The following EFEMP1 variants were observed in gnomAD, a reference collection of about 807,000 sequenced individuals.
The protein encoded by EFEMP1 is EGF-containing fibulin-like extracellular matrix protein 1.
In EFEMP1, 18 loss-of-function variants were observed where a neutral mutation model predicts 65.7. The observed-to-expected ratio is 0.27, with a 90% CI of 0.19 to 0.41. The LOEUF (loss-of-function observed/expected upper bound fraction) is 0.41, where lower values mean the gene tolerates loss of function less well. EFEMP1 is among the 10% of genes least tolerant of loss of function. EFEMP1 has a pLI of 1.00. For missense variants in EFEMP1, 469 were observed against 624.8 expected (o/e 0.75, Z 2.66); for synonymous variants, 237 against 219.7 (o/e 1.08, Z -0.70).
At chr2:55,868,429 G>T (rs1668669847) in intron 11 of EFEMP1, among the ~76,000 whole-genome samples, 1 of 152,122 alleles carries the variant, frequency 6.6e-6, no homozygotes, top group South Asian at 2.1e-4. Flanking sequence ...TAATAGTAAG[G>T]CTCAGTAAGG....
intron 5 of EFEMP1, among the ~76,000 whole-genome samples, chr2:55,901,897 TG>T (rs1670051661): frequency 6.6e-6 from 1 of 152,216 alleles, no homozygotes; most frequent in African/African-American, 2.4e-5. Context: ...CTAAGAAAGC[TG>T]CCATGTTGTG....
Position 55,922,159 on chromosome 2 carries a change from G to C in EFEMP1, c.81+201C>G, listed in dbSNP as rs1470231606. The stretch of plus-strand genomic sequence containing the variant: ...TGATTACATGTTGGTTCCTATCTTA[G>C]GTGGTGAGCCCAATGAACTTTTGAA... On this transcript the variant is annotated intron_variant, in intron 3 of 11. Coordinates refer to ENST00000355426, the MANE Select transcript of EFEMP1 (RefSeq NM_001039348.3). The surrounding 1 kb of genome is among the most constrained non-coding windows in gnomAD (Gnocchi z 5.5). The C allele has an allele frequency of 1.8e-6, 1 of 569,050 alleles. No individual in the cohort carries two copies. Among genetic ancestry groups the C allele is most frequent in the Non-Finnish European group, 3.2e-6 (1 of 310,560 alleles). 35.3% of individuals were successfully genotyped at this position (569,050 alleles called of 1,614,324 possible). A position where few individuals can be genotyped will look rare whatever the true frequency, so the allele number is the denominator to read the frequency against.
At position 55,871,660 on chromosome 2, in the gene EFEMP1, C is replaced by A. The variant is rs923524050; in HGVS notation, c.1001-537G>T. On this transcript the variant is annotated intron_variant, in intron 9 of 11. Transcript: ENST00000355426. The surrounding 1 kb of genome is among the most constrained non-coding windows in gnomAD (Gnocchi z 4.2). The stretch of plus-strand genomic sequence containing the variant: ...GCTGGGGCAGGGAAGGCTTTCCAAG[C>A]TGAGAAATCAGGAAGCATAAACTAT... Among the ~76,000 whole-genome samples the A allele has an allele frequency of 3.0e-4, 46 of 152,078 alleles. No homozygotes were observed. The highest frequency in any genetic ancestry group is 2.5e-4 in the Non-Finnish European group (17 of 67,974).
In EFEMP1 at chr2:55,919,848, G is replaced by C. The variant is rs901319746; in HGVS notation, c.82-1581C>G. Among the ~76,000 whole-genome samples, 3 of 152,274 alleles carry C rather than the reference G, an allele frequency of 2.0e-5. No homozygotes were observed. In the East Asian group the frequency reaches 5.8e-4, roughly 29 times the overall value. On this transcript the variant is annotated intron_variant, in intron 3 of 11. Transcript: ENST00000355426. This position sits in a 1 kb window ranked among gnomAD's most constrained non-coding sequence, Gnocchi z 4.5. ...ACCCAGGATTCCAACTTTAACATCA[G>C]TGCTGAATGCTCCACTTATTTTCCT...
At chr2:55,904,876 G>C (rs1363195248) in intron 5 of EFEMP1, among the ~76,000 whole-genome samples, 1 of 151,672 alleles carries the variant, frequency 6.6e-6, no homozygotes, top group South Asian at 2.1e-4. Context: ...GTATCCTATT[G>C]GGTCTGTTTT....
In EFEMP1 at chr2:55,878,770, G is replaced by A. The variant is rs13388004; in HGVS notation, c.641-905C>T. 5.9e-3 allele frequency among the ~76,000 whole-genome samples: 903 copies of A among 152,234 alleles called. 13 individuals carry two copies. The highest frequency in any genetic ancestry group is 0.021 in the African/African-American group (881 of 41,560). ...CAGGATAACCTGAGTCTGAATCTTT[G>A]TTCTGGCAATTACTAGCTTGGTCTT... is the stretch of plus-strand genomic sequence containing the variant. On this transcript the variant is annotated intron_variant, in intron 6 of 11. Coordinates refer to ENST00000355426, the MANE Select transcript of EFEMP1 (RefSeq NM_001039348.3).
intron 5 of EFEMP1, among the ~76,000 whole-genome samples, chr2:55,901,533 A>T (rs188377661): frequency 2.8e-4 from 42 of 152,258 alleles, no homozygotes; most frequent in African/African-American, 9.4e-4. Context: ...GACCACACCC[A>T]TTAGGCTGCC....
At chr2:55,918,460 G>A (rs564952258) in intron 3 of EFEMP1, among the ~76,000 whole-genome samples, 193 bp from the exon 4 acceptor site, 178 of 151,876 alleles carry the variant, frequency 1.2e-3, no homozygotes, top group Admixed American at 3.3e-3. Flanking sequence ...GGACAGCTTC[G>A]GGGGTCCATT....
At position 55,870,989 on chromosome 2, in the gene EFEMP1, A is replaced by C; in HGVS notation, c.1124+11T>G. ...AAAATCCTCACTTTCAAAAGTTCTG[A>C]TTTTTCTTACTTCTCTGGTGTTAGA... is the stretch of plus-strand genomic sequence containing the variant. On this transcript the variant is annotated intron_variant, in intron 10 of 11. Transcript: ENST00000355426. The surrounding 1 kb of genome is among the most constrained non-coding windows in gnomAD (Gnocchi z 5.8). The C allele has an allele frequency of 6.2e-7, 1 of 1,613,650 alleles. No homozygotes were observed. The highest frequency in any genetic ancestry group is 2.2e-5 in the East Asian group (1 of 44,872).
chr2:55,894,312 T>C (rs1020810891), intron 5 of EFEMP1, among the ~76,000 whole-genome samples: 3 of 152,192 alleles, frequency 2.0e-5, no homozygotes, highest in African/African-American at 7.2e-5. Context: ...AAGGACATTG[T>C]GGTCACCATC....
intron 5 of EFEMP1, among the ~76,000 whole-genome samples, chr2:55,891,859 G>A: frequency 6.6e-6 from 1 of 152,064 alleles, no homozygotes; most frequent in East Asian, 1.9e-4. Context: ...ATTAAATCAA[G>A]TGAGATCTGA....
At position 55,870,676 on chromosome 2, in the gene EFEMP1, C is replaced by A; in HGVS notation, c.1320+44G>T. 6.3e-7 allele frequency: 1 copy of A among 1,597,664 alleles called. No homozygotes were observed. The highest frequency in any genetic ancestry group is 8.6e-7 in the Non-Finnish European group (1 of 1,166,320). ...CAACAACAACAACAACAACAACAAA[C>A]TCCCATCTTTCTCAATAGTTAAGGC... On this transcript the variant is annotated intron_variant, in intron 11 of 11. Transcript: ENST00000355426. The surrounding 1 kb of genome is among the most constrained non-coding windows in gnomAD (Gnocchi z 5.8).
At chr2:55,891,791 G>A (rs957910159) in intron 5 of EFEMP1, among the ~76,000 whole-genome samples, 4 of 152,052 alleles carry the variant, frequency 2.6e-5, no homozygotes, top group Non-Finnish European at 5.9e-5. Context: ...ATCATGTTAA[G>A]GCATAAGATT....
At position 55,883,023 on chromosome 2, in the gene EFEMP1, A is replaced by G. The variant is rs1207961322; in HGVS notation, c.518-1289T>C. 6.6e-6 allele frequency among the ~76,000 whole-genome samples: 1 copy of G among 152,138 alleles called. No individual in the cohort carries two copies. Among genetic ancestry groups the G allele is most frequent in the Non-Finnish European group, 1.5e-5 (1 of 68,020 alleles). On this transcript the variant is annotated intron_variant, in intron 5 of 11. Coordinates refer to ENST00000355426, the MANE Select transcript of EFEMP1 (RefSeq NM_001039348.3). This position sits in a 1 kb window ranked among gnomAD's most constrained non-coding sequence, Gnocchi z 4.5. ...ACTGCGCATTTACACTATGCAGTAT[A>G]ATAATATATGAAGTTGAGATTGTAA...
chr2:55,884,264 A>G (rs1339567542), intron 5 of EFEMP1, among the ~76,000 whole-genome samples: 3 of 152,352 alleles, frequency 2.0e-5, no homozygotes, highest in East Asian at 3.9e-4. Context: ...TATTTTGAAA[A>G]TTATACTTTG....
rs749245292 is a variant in EFEMP1, at chr2:55,871,120, A to G, written c.1004T>C (p.Ile335Thr). The change falls in exon 10 of 12, where the codon ATA becomes ACA. Residue 335 changes from isoleucine to threonine, a missense_variant. By Grantham distance (89) the Ile-to-Thr change is moderately conservative (BLOSUM62 -1). Around this residue, in one of 3 missense-constraint regions of EFEMP1, gnomAD observed 399 missense variants for 528.2 expected, o/e 0.76. Transcript: ENST00000355426. The surrounding 1 kb of genome is among the most constrained non-coding windows in gnomAD (Gnocchi z 4.2). Reference sequence around the variant, plus strand: ...TTCATTTGTGGTCTCACACTCATTTATATCTGTAGAGATGTAGGGTCAAAG... The same window carrying G: ...TTCATTTGTGGTCTCACACTCATTTGTATCTGTAGAGATGTAGGGTCAAAG... ...QVVRSRTCQDINECETTNECR... is the reference protein window; with the variant it reads ...QVVRSRTCQDTNECETTNECR... 4.3e-6 allele frequency: 7 copies of G among 1,613,440 alleles called. No individual in the cohort carries two copies. Among genetic ancestry groups the G allele is most frequent in the African/African-American group, 4.0e-5 (3 of 74,904 alleles).
At chr2:55,872,171 C>G (rs1668836091) in intron 9 of EFEMP1, among the ~76,000 whole-genome samples, 1 of 152,086 alleles carries the variant, frequency 6.6e-6, no homozygotes, top group Non-Finnish European at 1.5e-5. Context: ...TCAATGTAAA[C>G]TTTTTCTGAA....
intron 5 of EFEMP1, among the ~76,000 whole-genome samples, chr2:55,892,554 A>AGGATTAAATGGCTCTGTTG (rs1669670309): frequency 6.6e-6 from 1 of 152,146 alleles, no homozygotes; most frequent in African/African-American, 2.4e-5. Context: ...TGGCTCTGTT[A>AGGATTAAATGGCTCTGTTG]GAAGAGTGGG....
Position 55,922,554 on chromosome 2 carries a change from G to C in EFEMP1, c.-7-107C>G, listed in dbSNP as rs2104458852. On this transcript the variant is annotated intron_variant, in intron 2 of 11. Transcript: ENST00000355426. The surrounding 1 kb of genome is among the most constrained non-coding windows in gnomAD (Gnocchi z 5.5). The stretch of plus-strand genomic sequence containing the variant: ...GGAAAGGAGGGTGGGAGAGGCTGAG[G>C]CTCCACCATACTCAACTTCCAATCT... The C allele has an allele frequency of 2.0e-6, 2 of 1,006,114 alleles. No individual in the cohort carries two copies. Among genetic ancestry groups the C allele is most frequent in the Non-Finnish European group, 3.1e-6 (2 of 647,150 alleles). 62.3% of individuals were successfully genotyped at this position (1,006,114 alleles called of 1,614,324 possible). A position where few individuals can be genotyped will look rare whatever the true frequency, so the allele number is the denominator to read the frequency against.
Sources: gnomAD v4.1 joint callset for allele counts (sites outside exome capture counted in the v4.1 genomes callset) on GRCh38, gnomAD v4.1.1 for gene constraint, gnomAD v4.1.1 regional missense constraint, Gnocchi (gnomAD v3.1) non-coding constraint, MANE v1.5 for transcripts, NCBI Gene and HGNC (gene_info 2026-07-23, HGNC 2026-07-21) for gene names.